The following LGR6 variants were observed in gnomAD, a reference collection of about 807,000 sequenced individuals.
The protein encoded by LGR6 is leucine-rich repeat-containing G protein-coupled receptor 6.
LGR6 carries 45 observed loss-of-function variants against 69.4 expected under a neutral mutation model. That is an observed-to-expected ratio of 0.65 (90% confidence interval 0.51 to 0.83). LGR6 has a LOEUF of 0.83. LGR6 is among the 40% of genes least tolerant of loss of function. LGR6 has a pLI of 0.00. For synonymous variants in LGR6, 538 were observed against 555.0 expected (o/e 0.97, Z 0.43); for missense variants, 1,108 against 1,246.7 (o/e 0.89, Z 1.68).
At chr1:202,211,636 C>T (rs550807110) in intron 1 of LGR6, among the ~76,000 whole-genome samples, 16 of 152,360 alleles carry the variant, frequency 1.1e-4, no homozygotes, top group Non-Finnish European at 1.5e-5. Flanking sequence ...GCTGGGATTA[C>T]AGGCGTGAGC....
At chr1:202,297,382 G>A (rs1034815391) in intron 6 of LGR6, 126 bp from the exon 7 acceptor site, 45 of 710,176 alleles carry the variant, frequency 6.3e-5, no homozygotes, top group Middle Eastern at 2.5e-4. Flanking sequence ...GACATTGGCC[G>A]CTGGATCCAA....
chr1:202,246,417 C>T (rs1252876676), intron 4 of LGR6, among the ~76,000 whole-genome samples: 1 of 103,350 alleles, frequency 9.7e-6, no homozygotes, highest in Admixed American at 1.1e-4. Flanking sequence ...TCCATTCATC[C>T]ATCCCCTGTC....
chr1:202,318,901 T>C lies in LGR6; in HGVS notation c.2598T>C (p.Ser866=), dbSNP rs142126765. Residue 866 remains serine, a synonymous_variant, in exon 18 of 18, where the codon TCT becomes TCC. Coordinates refer to ENST00000367278, the MANE Select transcript of LGR6 (RefSeq NM_001017403.2). ...AGELEKSSCD[S]TQALVAFSDV... is the part of the protein sequence containing the mutation. ...AGCTGGAGAAGAGCTCCTGTGATTC[T>C]ACCCAGGCCCTGGTAGCCTTCTCTG... is the stretch of plus-strand genomic sequence containing the variant. 4.6e-4 allele frequency: 743 copies of C among 1,614,082 alleles called. 3 individuals are homozygous for C. In the African/African-American group the frequency reaches 9.1e-3, roughly 20 times the overall value.
chr1:202,199,660 G>A (rs879428753), intron 1 of LGR6, among the ~76,000 whole-genome samples: 1 of 142,842 alleles, frequency 7.0e-6, no homozygotes, highest in Non-Finnish European at 1.5e-5. Flanking sequence ...ACTGACCCAC[G>A]CCCCCCGGGG....
chr1:202,214,084 G>A (rs1476984842), intron 1 of LGR6: 3 of 1,378,458 alleles, frequency 2.2e-6, no homozygotes, highest in African/African-American at 1.5e-5. Context: ...GCGGCAGAAC[G>A]AGAGAGGATC....
In LGR6 at chr1:202,318,653, C is replaced by T; in HGVS notation, c.2350C>T (p.Leu784Phe). 6.2e-7 allele frequency: 1 copy of T among 1,613,782 alleles called. No homozygotes were observed. The highest frequency in any genetic ancestry group is 1.1e-5 in the South Asian group (1 of 91,076). ...HVAWLIFADG[L>F]LYCPVAFLSF... ...GGCCTGGCTCATCTTCGCAGACGGG[C>T]TCCTCTACTGTCCCGTGGCCTTCCT... Residue 784 changes from leucine to phenylalanine, a missense_variant, in exon 18 of 18, where the codon CTC becomes TTC. Physicochemically the swap from Leu to Phe is conservative, Grantham distance 22. Coordinates refer to ENST00000367278, the MANE Select transcript of LGR6 (RefSeq NM_001017403.2).
rs190134164 is a variant in LGR6 at position 202,301,160 on chromosome 1, C to A, written c.858-4C>A. On this transcript the variant is annotated splice_polypyrimidine_tract_variant and splice_region_variant and intron_variant, in intron 8 of 17. Coordinates refer to ENST00000367278, the MANE Select transcript of LGR6 (RefSeq NM_001017403.2). ...AATTAGGTGTTTGGACCTTCTTCTT[C>A]CAGACACTTTTATGATAACCCAATC... 58 of 1,614,080 alleles carry A rather than the reference C, an allele frequency of 3.6e-5. No individual in the cohort carries two copies. The African/African-American group carries it at 7.1e-4, about 20-fold the overall frequency.
chr1:202,227,380 G>A (rs1345254300), intron 2 of LGR6, among the ~76,000 whole-genome samples: 1 of 152,108 alleles, frequency 6.6e-6, no homozygotes, highest in Non-Finnish European at 1.5e-5. Context: ...TGATTGCCCC[G>A]ATAAACATGG....
intron 1 of LGR6, among the ~76,000 whole-genome samples, chr1:202,200,795 T>C (rs1658809773): frequency 6.6e-6 from 1 of 151,886 alleles, no homozygotes; most frequent in Non-Finnish European, 1.5e-5. Flanking sequence ...AGGCCAAACT[T>C]GGGCAGTGAG....
chr1:202,305,404 C>A (rs184864262), intron 11 of LGR6, among the ~76,000 whole-genome samples: 1 of 152,174 alleles, frequency 6.6e-6, no homozygotes, highest in Non-Finnish European at 1.5e-5. Flanking sequence ...CTCTCCCTGA[C>A]TCTTTGCCTG....
Position 202,302,302 on chromosome 1 carries a change from G to A in LGR6, c.930-977G>A, listed in dbSNP as rs183064581. Reference sequence around the variant, plus strand: ...CCTGTGAGGTAGGTGTTATTGGTCCGATTTACAGGTGGAACATGAGGTACT... The same window carrying A: ...CCTGTGAGGTAGGTGTTATTGGTCCAATTTACAGGTGGAACATGAGGTACT... On this transcript the variant is annotated intron_variant, in intron 9 of 17. Transcript: ENST00000367278. Among the ~76,000 whole-genome samples, 689 of 152,294 alleles carry A rather than the reference G, an allele frequency of 4.5e-3. 8 individuals carry two copies. Among genetic ancestry groups the A allele is most frequent in the Admixed American group, 0.017 (261 of 15,304 alleles).
chr1:202,216,514 T>C (rs1450848041), intron 1 of LGR6, among the ~76,000 whole-genome samples: 2 of 152,262 alleles, frequency 1.3e-5, no homozygotes, highest in African/African-American at 4.8e-5. Flanking sequence ...GAAATGTGGC[T>C]AGTGCAGCTA....
At chr1:202,271,808 CAA>C (rs754922941) in intron 4 of LGR6, among the ~76,000 whole-genome samples, 3 of 88,444 alleles carry the variant, frequency 3.4e-5, no homozygotes, top group Non-Finnish European at 4.2e-5. Context: ...AACTCTGTCT[CAA>C]AAAAAAAAAA....
intron 1 of LGR6, among the ~76,000 whole-genome samples, chr1:202,196,084 G>A (rs1362987343): frequency 6.6e-6 from 1 of 152,152 alleles, no homozygotes; most frequent in East Asian, 1.9e-4. Flanking sequence ...GGATGCTTCT[G>A]AGAGTTGTGG....
At chr1:202,306,986 C>A in intron 13 of LGR6, 47 bp downstream of exon 13, 1 of 1,499,014 alleles carries the variant, frequency 6.7e-7, no homozygotes, top group South Asian at 1.1e-5. Flanking sequence ...CCACCGTGTC[C>A]CTCTGCTAGG....
rs1254069460 is a variant in LGR6 at position 202,318,941 on chromosome 1, C to T, written c.2638C>T (p.Leu880=). ...AGCCTTCTCTGATGTGGATCTCATT[C>T]TGGAAGCTTCTGAAGCTGGGCGGCC... ...LVAFSDVDLI[L]EASEAGRPPG... Residue 880 remains leucine, a synonymous_variant, in exon 18 of 18, where the codon CTG becomes TTG. Coordinates refer to ENST00000367278, the MANE Select transcript of LGR6 (RefSeq NM_001017403.2). 1.9e-6 allele frequency: 3 copies of T among 1,613,802 alleles called. No homozygotes were observed. The East Asian group carries it at 6.7e-5, about 36-fold the overall frequency.
At chr1:202,308,650 G>T (rs1330510527) in intron 14 of LGR6, among the ~76,000 whole-genome samples, 1 of 152,192 alleles carries the variant, frequency 6.6e-6, no homozygotes, top group Non-Finnish European at 1.5e-5. Flanking sequence ...AAGGCAGGGG[G>T]ATGGGGATAA....
chr1:202,277,795 T>C (rs1302060193), intron 5 of LGR6, among the ~76,000 whole-genome samples: 2 of 138,146 alleles, frequency 1.4e-5, no homozygotes, highest in East Asian at 2.2e-4. Context: ...AAATTCAGAC[T>C]CATAGCAGCA....
chr1:202,297,356 C>T (rs1667235609), intron 6 of LGR6, 152 bp from the exon 7 acceptor site: 4 of 650,106 alleles, frequency 6.2e-6, no homozygotes, highest in Non-Finnish European at 1.1e-5. Flanking sequence ...CATGAACATT[C>T]CAAAATGTGT....
Sources: allele counts gnomAD v4.1 joint callset (sites outside exome capture counted in the v4.1 genomes callset), GRCh38; gene constraint gnomAD v4.1.1; transcripts MANE v1.5; gene names NCBI Gene and HGNC (gene_info 2026-07-23, HGNC 2026-07-21).